Variants in ZNF684 observed in about 807,000 individuals in gnomAD.
ZNF684 encodes the protein hypothetical protein MGC27466.
ZNF684 carries 13 observed loss-of-function variants against 12.8 expected under a neutral mutation model. The observed-to-expected ratio is 1.02, with a 90% CI of 0.66 to 1.62. ZNF684 has a LOEUF of 1.62. Ranked by LOEUF, ZNF684 falls within the 40% of genes most tolerant of loss-of-function variation. ZNF684 has a pLI of 0.00. For missense variants in ZNF684, 384 were observed against 446.9 expected (o/e 0.86, Z 1.27); for synonymous variants, 118 against 151.8 (o/e 0.78, Z 1.64).
chr1:40,534,123 G>T (rs1216991591), intron 2 of ZNF684, among the ~76,000 whole-genome samples: 1 of 151,648 alleles, frequency 6.6e-6, no homozygotes, highest in Non-Finnish European at 1.5e-5. Context: ...CACTGCGCCC[G>T]GCCAGATATT....
At chr1:40,545,261 T>C (rs1010434064) in intron 4 of ZNF684, among the ~76,000 whole-genome samples, 3 of 152,192 alleles carry the variant, frequency 2.0e-5, no homozygotes, top group Non-Finnish European at 4.4e-5. Context: ...CTTGGAGTAT[T>C]GTACTAACAC....
chr1:40,544,076 A>G (rs976570806), intron 4 of ZNF684, among the ~76,000 whole-genome samples: 2 of 151,528 alleles, frequency 1.3e-5, no homozygotes, highest in Non-Finnish European at 2.9e-5. Flanking sequence ...TATTTTATTA[A>G]TTTATTGTTA....
At chr1:40,541,437 C>G in intron 3 of ZNF684, 178 bp from the exon 4 acceptor site, 3 of 465,744 alleles carry the variant, frequency 6.4e-6, no homozygotes, top group Non-Finnish European at 1.2e-5. Context: ...CCCGCCTCAG[C>G]CTTCCAAAGT....
At position 40,541,676 on chromosome 1, in the gene ZNF684, G is replaced by C; in HGVS notation, c.204G>C (p.Met68Ile). The C allele has an allele frequency of 6.2e-7, 1 of 1,613,544 alleles. No individual in the cohort carries two copies. Among genetic ancestry groups the C allele is most frequent in the Non-Finnish European group, 8.5e-7 (1 of 1,179,642 alleles). ...LKVEQGQEPWMVEGANPHESS... is the reference protein window; with the variant it reads ...LKVEQGQEPWIVEGANPHESS... ...TAGAGCAAGGACAAGAGCCATGGATGGTGGAGGGAGCGAATCCACACGAGA... is the reference window on the plus strand; with the variant it reads ...TAGAGCAAGGACAAGAGCCATGGATCGTGGAGGGAGCGAATCCACACGAGA... The change falls in exon 4 of 5, where the codon ATG (methionine) becomes ATC (isoleucine). Residue 68 changes from methionine to isoleucine, a missense_variant. Transcript: ENST00000372699.
chr1:40,535,797 C>G (rs780567487), intron 2 of ZNF684, among the ~76,000 whole-genome samples: 1 of 152,102 alleles, frequency 6.6e-6, no homozygotes, highest in East Asian at 1.9e-4. Context: ...GGAATAAACC[C>G]TTCCTAGTCC....
chr1:40,540,151 T>C (rs1646006654), intron 2 of ZNF684, among the ~76,000 whole-genome samples: 2 of 152,312 alleles, frequency 1.3e-5, no homozygotes, highest in Non-Finnish European at 1.5e-5. Context: ...CTTCCACTTT[T>C]TCTGTCATAT....
Position 40,547,106 on chromosome 1 carries a change from C to T in ZNF684, c.783C>T (p.His261=), listed in dbSNP as rs375358773. 7.2e-5 allele frequency: 117 copies of T among 1,614,016 alleles called. No individual in the cohort carries two copies. Among genetic ancestry groups the T allele is most frequent in the Middle Eastern group, 1.6e-4 (1 of 6,084 alleles). The part of the protein sequence containing the change: ...TFTWNSSFNQ[H]VKSHTLEKSF... ...CTTGGAACTCCTCATTTAATCAACA[C>T]GTGAAATCTCATACACTTGAGAAGT... Residue 261 remains histidine (H), a synonymous_variant, in exon 5 of 5, where the codon CAC becomes CAT. Coordinates refer to ENST00000372699, the MANE Select transcript of ZNF684 (RefSeq NM_152373.4).
rs764777275 is a variant in ZNF684, at chr1:40,546,890, C to T, written c.567C>T (p.Cys189=). ...ATACAAGGAAAAAACCTTTTGAATG[C>T]AATGACTGTGGAAAAGCCTATAGCA... ...KNHTRKKPFE[C]NDCGKAYSRK... The change falls in exon 5 of 5, where the codon TGC becomes TGT. Residue 189 remains cysteine, a synonymous_variant. Transcript: ENST00000372699. 3 of 1,614,034 alleles carry T rather than the reference C, an allele frequency of 1.9e-6. No individual in the cohort carries two copies. Among genetic ancestry groups the T allele is most frequent in the Non-Finnish European group, 2.5e-6 (3 of 1,180,014 alleles).
intron 4 of ZNF684, 108 bp downstream of exon 4, chr1:40,541,818 C>T (rs1314972664): frequency 1.9e-5 from 16 of 825,660 alleles, no homozygotes; most frequent in Non-Finnish European, 2.7e-5. Context: ...AAAAGCCACA[C>T]ACCTTTAACA....
intron 2 of ZNF684, 86 bp from the exon 3 acceptor site, chr1:40,540,497 CATG>C: frequency 7.6e-7 from 1 of 1,316,108 alleles, no homozygotes; most frequent in Non-Finnish European, 1.0e-6. Context: ...CAACAGTGAA[CATG>C]ATATGATATT....
intron 4 of ZNF684, among the ~76,000 whole-genome samples, chr1:40,543,205 T>TG (rs1321176630): frequency 3.3e-5 from 5 of 152,244 alleles, no homozygotes; most frequent in Non-Finnish European, 7.3e-5. Flanking sequence ...AGACTGTTTA[T>TG]GTTACTGTTT....
At chr1:40,537,521 C>CT (rs1430984882) in intron 2 of ZNF684, among the ~76,000 whole-genome samples, 1 of 152,166 alleles carries the variant, frequency 6.6e-6, no homozygotes, top group Non-Finnish European at 1.5e-5. Context: ...GGGCGGATCA[C>CT]TTGAGGTCAG....
intron 3 of ZNF684, among the ~76,000 whole-genome samples, chr1:40,540,931 C>T (rs762652872): frequency 2.0e-5 from 3 of 151,128 alleles, no homozygotes; most frequent in Non-Finnish European, 4.4e-5. Flanking sequence ...GTGGTACATG[C>T]CTGTTGTCCC....
At chr1:40,536,604 C>T (rs1346049682) in intron 2 of ZNF684, among the ~76,000 whole-genome samples, 2 of 147,002 alleles carry the variant, frequency 1.4e-5, no homozygotes, top group African/African-American at 5.0e-5. Context: ...TGCTGGTGCG[C>T]TACACCCACT....
chr1:40,546,689 C>T lies in ZNF684; in HGVS notation c.366C>T (p.Ser122=). ...TMERIHHYNM[S]TSLNPMRKKS... ...AGAGAATCCACCATTATAATATGAG[C>T]ACAAGTCTTAATCCAATGAGAAAAA... Residue 122 remains serine, a synonymous_variant, in exon 5 of 5, where the codon AGC becomes AGT. Coordinates refer to ENST00000372699, the MANE Select transcript of ZNF684 (RefSeq NM_152373.4). The T allele has an allele frequency of 6.2e-7, 1 of 1,613,328 alleles. No homozygotes were observed. Among genetic ancestry groups the T allele is most frequent in the Non-Finnish European group, 8.5e-7 (1 of 1,179,864 alleles).
chr1:40,547,175 AT>A lies in ZNF684; in HGVS notation c.853del (p.Ser285ProfsTer63). 1 of 1,614,176 alleles carries A rather than the reference AT, an allele frequency of 6.2e-7. No homozygotes were observed. The highest frequency in any genetic ancestry group is 8.5e-7 in the Non-Finnish European group (1 of 1,180,024). On this transcript the variant is annotated frameshift_variant, in exon 5 of 5. Coordinates refer to ENST00000372699, the MANE Select transcript of ZNF684 (RefSeq NM_152373.4). LOFTEE classifies it low-confidence loss of function (END_TRUNC). The part of the protein sequence containing the change: ...ECGKTFRYSS[S>X]LYKHSRFHTG... ...GTGGGAAAACCTTCAGGTATAGTTC[AT>A]CCCTTTATAAACATTCCAGATTTCA... is the stretch of plus-strand genomic sequence containing the variant.
chr1:40,541,504 G>A, intron 3 of ZNF684, 111 bp from the exon 4 acceptor site: 1 of 810,830 alleles, frequency 1.2e-6, no homozygotes, highest in Admixed American at 2.2e-5. Flanking sequence ...TGTTTTAAAG[G>A]CTGCTTGTTA....
intron 3 of ZNF684, among the ~76,000 whole-genome samples, chr1:40,541,030 C>CAAAA (rs57200329): frequency 1.0e-4 from 8 of 79,394 alleles, no homozygotes; most frequent in East Asian, 6.8e-4. Context: ...GACCCTATCT[C>CAAAA]AAAAAAAAAA....
chr1:40,534,801 T>G (rs1388431340), intron 2 of ZNF684, among the ~76,000 whole-genome samples: 1 of 151,532 alleles, frequency 6.6e-6, no homozygotes, highest in Non-Finnish European at 1.5e-5. Context: ...AAGACCAGCC[T>G]GGGCAATATA....
Sources: gnomAD v4.1 joint callset for allele counts (sites outside exome capture counted in the v4.1 genomes callset) on GRCh38, gnomAD v4.1.1 for gene constraint, MANE v1.5 for transcripts, NCBI Gene and HGNC (gene_info 2026-07-23, HGNC 2026-07-21) for gene names.